The following BNC2 variants were observed in gnomAD, a reference collection of about 807,000 sequenced individuals.
BNC2 encodes the protein zinc finger protein basonuclin-2.
Under a neutral mutation model 76.3 loss-of-function variants are expected in BNC2, and 20 were observed. The observed-to-expected ratio is 0.26, with a 90% CI of 0.18 to 0.38. The LOEUF is 0.38. BNC2 is among the 10% of genes least tolerant of loss of function. The probability of loss-of-function intolerance (pLI) is 1.00; values close to 1 mark genes in which losing one functional copy is unlikely to be tolerated. For missense variants in BNC2, 1,382 were observed against 1,399.8 expected, an observed-to-expected ratio of 0.99 and a Z score of 0.20; for synonymous variants, 582 against 514.8, an observed-to-expected ratio of 1.13 and a Z score of -1.77.
At chr9:16,603,136 T>C (rs1250636663) in intron 3 of BNC2, among the ~76,000 whole-genome samples, 1 of 152,180 alleles carries the variant, frequency 6.6e-6, no homozygotes, top group Non-Finnish European at 1.5e-5. Context: ...AGGTTAAATC[T>C]ATCAAGAAGC....
At chr9:16,807,946 G>C (rs1817952389) in intron 1 of BNC2, among the ~76,000 whole-genome samples, 1 of 152,098 alleles carries the variant, frequency 6.6e-6, no homozygotes, top group African/African-American at 2.4e-5. Context: ...TCCTAGCATG[G>C]CTACCTATGT....
At chr9:16,604,931 T>G (rs1359829633) in intron 3 of BNC2, among the ~76,000 whole-genome samples, 2 of 152,228 alleles carry the variant, frequency 1.3e-5, no homozygotes, top group East Asian at 1.9e-4. Context: ...TCTGTTTTTG[T>G]GTGTTTGTTT....
At chr9:16,577,338 A>C (rs1819514698) in intron 4 of BNC2, among the ~76,000 whole-genome samples, 1 of 151,602 alleles carries the variant, frequency 6.6e-6, no homozygotes. Context: ...CATGCTGAGA[A>C]AAAAAAAAGA....
At chr9:16,617,580 A>G (rs1378741303) in intron 3 of BNC2, among the ~76,000 whole-genome samples, 1 of 151,616 alleles carries the variant, frequency 6.6e-6, no homozygotes, top group African/African-American at 2.4e-5. Context: ...TACAAGGCAC[A>G]TATAAGTATG....
At chr9:16,707,772 G>A (rs879671223) in intron 3 of BNC2, among the ~76,000 whole-genome samples, 7 of 152,126 alleles carry the variant, frequency 4.6e-5, no homozygotes, top group African/African-American at 7.2e-5. Flanking sequence ...CTCCTGAGTA[G>A]CTGGGACTAC....
chr9:16,842,185 C>G (rs1818848012), intron 1 of BNC2, among the ~76,000 whole-genome samples: 1 of 152,126 alleles, frequency 6.6e-6, no homozygotes, highest in Non-Finnish European at 1.5e-5. Context: ...ACATATGAAC[C>G]TCCACTATGA....
At chr9:16,460,022 C>G (rs1167622232) in intron 5 of BNC2, among the ~76,000 whole-genome samples, 1 of 151,950 alleles carries the variant, frequency 6.6e-6, no homozygotes, top group South Asian at 2.1e-4. Context: ...TTTTTGTTTG[C>G]CCTAAAGACT....
rs553752215 is a variant in BNC2 at position 16,733,049 on chromosome 9, T to G, written c.130-5052A>C. Reference sequence around the variant, plus strand: ...TAAAAATAATGCTGAAGATACAAATTCATATGGCATTAAGGTATATAACTT... The same window carrying G: ...TAAAAATAATGCTGAAGATACAAATGCATATGGCATTAAGGTATATAACTT... On this transcript the variant is annotated intron_variant, in intron 2 of 6. Coordinates refer to ENST00000380672, the MANE Select transcript of BNC2 (RefSeq NM_017637.6). Among the ~76,000 whole-genome samples, 10 of 152,278 alleles carry G rather than the reference T, an allele frequency of 6.6e-5. No homozygotes were observed. The East Asian group carries it at 1.9e-3, about 29-fold the overall frequency.
chr9:16,821,691 T>C (rs899482021), intron 1 of BNC2, among the ~76,000 whole-genome samples: 1 of 152,214 alleles, frequency 6.6e-6, no homozygotes, highest in Non-Finnish European at 1.5e-5. Context: ...CTCATGCCTG[T>C]AATCCCAGCA....
chr9:16,433,130 T>C (rs965801241), intron 6 of BNC2, among the ~76,000 whole-genome samples: 2 of 152,176 alleles, frequency 1.3e-5, no homozygotes, highest in Non-Finnish European at 2.9e-5. Context: ...CATAACATTA[T>C]ATTAATTCAA....
rs1820418044 is a variant in BNC2 at position 16,409,566 on chromosome 9, T to C, written c.*9423A>G. ...GAATTTTGATACAAATTACAAGAGG[T>C]ATTTGGACAAAATATGAATAAAATT... On this transcript the variant is annotated 3_prime_UTR_variant, in exon 7 of 7. Transcript: ENST00000380672. 1 of 152,588 alleles carries C rather than the reference T, an allele frequency of 6.6e-6. No individual in the cohort carries two copies. Among genetic ancestry groups the C allele is most frequent in the Admixed American group, 6.5e-5 (1 of 15,280 alleles). The allele number at this position is 152,588 out of a possible 1,614,324, so 9.5% of individuals were successfully genotyped here.
At chr9:16,486,913 G>A (rs1485323427) in intron 5 of BNC2, among the ~76,000 whole-genome samples, 2 of 152,096 alleles carry the variant, frequency 1.3e-5, no homozygotes, top group Non-Finnish European at 2.9e-5. Flanking sequence ...ATAACGTCTC[G>A]CTATGTTGCC....
intron 1 of BNC2, among the ~76,000 whole-genome samples, chr9:16,811,627 T>G (rs151197215): frequency 6.6e-6 from 1 of 150,562 alleles, no homozygotes; most frequent in Non-Finnish European, 1.5e-5. Flanking sequence ...GGACTGACTA[T>G]TCAGTACATA....
chr9:16,668,119 A>G (rs1822356058), intron 3 of BNC2, among the ~76,000 whole-genome samples: 1 of 152,194 alleles, frequency 6.6e-6, no homozygotes, highest in Admixed American at 6.6e-5. Flanking sequence ...CTCCCATGGA[A>G]AGACCAGCTT....
intron 1 of BNC2, among the ~76,000 whole-genome samples, chr9:16,746,524 C>T (rs982078456): frequency 1.3e-4 from 19 of 151,956 alleles, no homozygotes; most frequent in African/African-American, 2.9e-4. Flanking sequence ...CCACCACGCC[C>T]GGCTAATTTT....
chr9:16,444,944 CT>C (rs1009990513), intron 5 of BNC2, among the ~76,000 whole-genome samples: 1 of 151,934 alleles, frequency 6.6e-6, no homozygotes, highest in African/African-American at 2.4e-5. Flanking sequence ...CATTTTTTCC[CT>C]TTTTTGTTAG....
chr9:16,565,342 C>T (rs1819137962), intron 4 of BNC2, among the ~76,000 whole-genome samples: 1 of 152,172 alleles, frequency 6.6e-6, no homozygotes, highest in African/African-American at 2.4e-5. Context: ...CATGGGCCCT[C>T]TGATCTGCCC....
At chr9:16,618,014 C>A (rs1454613521) in intron 3 of BNC2, among the ~76,000 whole-genome samples, 1 of 152,220 alleles carries the variant, frequency 6.6e-6, no homozygotes, top group Non-Finnish European at 1.5e-5. Flanking sequence ...GGACTGAACT[C>A]TAAAATGGAG....
intron 3 of BNC2, among the ~76,000 whole-genome samples, chr9:16,631,490 A>G (rs1821158701): frequency 6.6e-6 from 1 of 152,224 alleles, no homozygotes; most frequent in African/African-American, 2.4e-5. Flanking sequence ...GAAACATGGC[A>G]GAAATAACTA....
Sources: gnomAD v4.1 joint callset for allele counts (sites outside exome capture counted in the v4.1 genomes callset) on GRCh38, gnomAD v4.1.1 for gene constraint, MANE v1.5 for transcripts, NCBI Gene and HGNC (gene_info 2026-07-23, HGNC 2026-07-21) for gene names.